The following SLC35D1 variants were observed in gnomAD, a reference collection of about 807,000 sequenced individuals.
SLC35D1 encodes solute carrier family 35 member D1.
Under a neutral mutation model 46.7 loss-of-function variants are expected in SLC35D1, and 31 were observed. The ratio of observed to expected loss-of-function variants is 0.66; its 90% CI spans 0.50 to 0.90. SLC35D1 has a LOEUF of 0.90. SLC35D1 is among the 40% of genes least tolerant of loss of function. SLC35D1 has a pLI of 0.00. For missense variants in SLC35D1, 397 were observed against 426.2 expected, an observed-to-expected ratio of 0.93 and a Z score of 0.60; for synonymous variants, 195 against 164.6, an observed-to-expected ratio of 1.18 and a Z score of -1.41.
the SLC35D1 span, chr1:66,986,083 T>G: frequency 9.5e-7 from 1 of 1,048,364 alleles, no homozygotes; most frequent in Non-Finnish European, 1.1e-6. Flanking sequence ...ACTTAGATAT[T>G]GGCACACACA....
At chr1:67,020,344 A>G (rs1357097857) in intron 10 of SLC35D1, 25 bp downstream of exon 10, 1 of 1,457,928 alleles carries the variant, frequency 6.9e-7, no homozygotes, top group Non-Finnish European at 9.6e-7. Flanking sequence ...CAGGTACCAA[A>G]AGCTAACAGT....
the SLC35D1 span, among the ~76,000 whole-genome samples, chr1:66,979,430 C>A: frequency 5.9e-5 from 9 of 152,170 alleles, no homozygotes; most frequent in East Asian, 3.8e-4. Flanking sequence ...CCCTTTTCTG[C>A]CTACAAACAG....
the SLC35D1 span, among the ~76,000 whole-genome samples, chr1:66,982,656 C>T: frequency 6.6e-6 from 1 of 152,160 alleles, no homozygotes; most frequent in Non-Finnish European, 1.5e-5. Flanking sequence ...TAGGAGAGTA[C>T]CAGTGAAGAG....
chr1:66,990,426 C>A, the SLC35D1 span, among the ~76,000 whole-genome samples: 2 of 152,232 alleles, frequency 1.3e-5, no homozygotes, highest in East Asian at 3.9e-4. Flanking sequence ...GTGTGCGCCA[C>A]CACGCCCTAA....
downstream of SLC35D1, among the ~76,000 whole-genome samples, chr1:66,998,287 G>A (rs1321775494): frequency 1.3e-5 from 2 of 152,034 alleles, no homozygotes; most frequent in Non-Finnish European, 2.9e-5. Context: ...TCAGGAGTTC[G>A]AGACCAGCCT....
chr1:66,994,172 C>A, the SLC35D1 span, among the ~76,000 whole-genome samples: 33,155 of 152,122 alleles, frequency 0.22, 3,969 homozygotes, highest in Non-Finnish European at 0.26. Flanking sequence ...ATGAGCCCTT[C>A]GGGAAAGGTT....
intron 11 of SLC35D1, among the ~76,000 whole-genome samples, chr1:67,006,429 A>G (rs1387535154): frequency 2.6e-5 from 4 of 152,020 alleles, no homozygotes; most frequent in Non-Finnish European, 4.4e-5. Context: ...CCACCCCAAA[A>G]CAAAGTAGAA....
chr1:67,034,387 T>C lies in SLC35D1; in HGVS notation c.729+7849A>G, dbSNP rs953382841. Reference sequence around the variant, plus strand: ...TTCTTGCATCAGTGTTTTATGGCTTTCACTGTAAAGACTTTTCACTTCTTT... The same window carrying C: ...TTCTTGCATCAGTGTTTTATGGCTTCCACTGTAAAGACTTTTCACTTCTTT... On this transcript the variant is annotated intron_variant, in intron 8 of 11. Transcript: ENST00000235345. Among the ~76,000 whole-genome samples the C allele has an allele frequency of 2.0e-5, 3 of 152,214 alleles. No homozygotes were observed. The South Asian group carries it at 6.2e-4, about 31-fold the overall frequency.
At chr1:66,975,229 T>C in the SLC35D1 span, among the ~76,000 whole-genome samples, 1 of 152,062 alleles carries the variant, frequency 6.6e-6, no homozygotes, top group Non-Finnish European at 1.5e-5. Context: ...CTGGATTTCC[T>C]TTTAAATGGT....
intron 4 of SLC35D1, among the ~76,000 whole-genome samples, 200 bp downstream of exon 4, chr1:67,051,812 C>A (rs1645312164): frequency 6.6e-6 from 1 of 152,104 alleles, no homozygotes; most frequent in African/African-American, 2.4e-5. Context: ...ACAAAAAACT[C>A]CTCTTTCTCT....
chr1:67,017,166 T>C (rs1301975409), intron 10 of SLC35D1, among the ~76,000 whole-genome samples: 4 of 152,244 alleles, frequency 2.6e-5, no homozygotes, highest in African/African-American at 4.8e-5. Flanking sequence ...GCTATTCTTA[T>C]TACACTTTAT....
intron 8 of SLC35D1, among the ~76,000 whole-genome samples, chr1:67,028,832 TCTG>T (rs1667964919): frequency 6.6e-6 from 1 of 152,202 alleles, no homozygotes; most frequent in Admixed American, 6.5e-5. Flanking sequence ...TTTCTCCTAA[TCTG>T]CTGTTTCATT....
chr1:66,987,720 T>C, the SLC35D1 span: 1 of 152,456 alleles, frequency 6.6e-6, no homozygotes, highest in South Asian at 2.1e-4. Flanking sequence ...CACTAAGATT[T>C]TATTAGAGAT....
Position 67,054,058 on chromosome 1 carries a change from G to C in SLC35D1, c.-45C>G, listed in dbSNP as rs1166550007. On this transcript the variant is annotated 5_prime_UTR_variant, in exon 1 of 12. Coordinates refer to ENST00000235345, the MANE Select transcript of SLC35D1 (RefSeq NM_015139.3). Reference sequence around the variant, plus strand: ...GCCTGGCGGCGGGGCCTAGCGGCTCGGGGGCCTGCAGCGGCAGCTCCCAGG... The same window carrying C: ...GCCTGGCGGCGGGGCCTAGCGGCTCCGGGGCCTGCAGCGGCAGCTCCCAGG... 2 of 1,593,000 alleles carry C rather than the reference G, an allele frequency of 1.3e-6. No homozygotes were observed. The highest frequency in any genetic ancestry group is 1.7e-6 in the Non-Finnish European group (2 of 1,166,560).
rs1553264879 is a variant in SLC35D1 at position 67,013,157 on chromosome 1, G to GATAGATATATATATATATATAT, written c.877-3991_877-3990insATATATATATATATATATCTAT. Among the ~76,000 whole-genome samples, 5 of 29,814 alleles carry GATAGATATATATATATATATAT rather than the reference G, an allele frequency of 1.7e-4. 1 individual carries two copies. Among genetic ancestry groups the GATAGATATATATATATATATAT allele is most frequent in the African/African-American group, 9.0e-4 (5 of 5,586 alleles). 19.6% of individuals were successfully genotyped at this position (29,814 alleles called of 152,430 possible). A position where few individuals can be genotyped will look rare whatever the true frequency, so the allele number is the denominator to read the frequency against. On this transcript the variant is annotated intron_variant, in intron 10 of 11. Coordinates refer to ENST00000235345, the MANE Select transcript of SLC35D1 (RefSeq NM_015139.3). ...ATAATTTAAGAACATATATCCTGGA[G>GATAGATATATATATATATATAT]ATATATATATATCCTGTTCTTAAAT...
At chr1:67,017,329 C>A (rs1043635151) in intron 10 of SLC35D1, among the ~76,000 whole-genome samples, 1 of 151,990 alleles carries the variant, frequency 6.6e-6, no homozygotes, top group Non-Finnish European at 1.5e-5. Context: ...TAGATTCTAG[C>A]CTCATTAATT....
chr1:67,020,224 G>GA (rs1667769070), intron 10 of SLC35D1, 145 bp downstream of exon 10: 1 of 654,938 alleles, frequency 1.5e-6, no homozygotes, highest in Non-Finnish European at 2.8e-6. Flanking sequence ...GAATATTTCA[G>GA]AAACTATCAC....
At chr1:67,016,764 C>T (rs1667694001) in intron 10 of SLC35D1, among the ~76,000 whole-genome samples, 1 of 152,194 alleles carries the variant, frequency 6.6e-6, no homozygotes, top group South Asian at 2.1e-4. Flanking sequence ...GTTCAATACA[C>T]ATCTGTTTTC....
rs1380294004 is a variant in SLC35D1 at position 67,003,426 on chromosome 1, T to G, written c.*914A>C. 6.6e-6 allele frequency: 1 copy of G among 152,296 alleles called. No homozygotes were observed. The highest frequency in any genetic ancestry group is 1.5e-5 in the Non-Finnish European group (1 of 68,058). 9.4% of individuals were successfully genotyped at this position (152,296 alleles called of 1,614,324 possible). ...TGCCGGGTAGGTAGGGCAGGTGTTCTTAATCCAATTTACAGATTTGCGGCT... is the reference window on the plus strand; with the variant it reads ...TGCCGGGTAGGTAGGGCAGGTGTTCGTAATCCAATTTACAGATTTGCGGCT... On this transcript the variant is annotated 3_prime_UTR_variant, in exon 12 of 12. Coordinates refer to ENST00000235345, the MANE Select transcript of SLC35D1 (RefSeq NM_015139.3).
Sources: gnomAD v4.1 joint callset for allele counts (sites outside exome capture counted in the v4.1 genomes callset) on GRCh38, gnomAD v4.1.1 for gene constraint, MANE v1.5 for transcripts, NCBI Gene and HGNC (gene_info 2026-07-23, HGNC 2026-07-21) for gene names.